The following INSIG1 variants were observed in gnomAD, a reference collection of about 807,000 sequenced individuals.
The protein encoded by INSIG1 is insulin-induced gene 1 protein.
A neutral mutation model predicts 26.5 loss-of-function variants in INSIG1; 14 were observed. The observed-to-expected ratio is 0.53, with a 90% CI of 0.35 to 0.83. The LOEUF is 0.83. INSIG1 is among the 40% of genes least tolerant of loss of function. The pLI is 0.01. For missense variants in INSIG1, 272 were observed against 368.9 expected (o/e 0.74, Z 2.15); for synonymous variants, 147 against 153.3 (o/e 0.96, Z 0.30).
Position 155,302,634 on chromosome 7 carries a change from T to A in INSIG1, c.705-113T>A. The A allele has an allele frequency of 2.2e-6, 2 of 906,654 alleles. No homozygotes were observed. Among genetic ancestry groups the A allele is most frequent in the Non-Finnish European group, 1.7e-6 (1 of 572,062 alleles). The allele number at this position is 906,654 out of a possible 1,614,324, so 56.2% of individuals were successfully genotyped here. Reference sequence around the variant, plus strand: ...ACAACCAAACAAATATGAACATTCGTAACATTGGATGGTTGATATGCGTTC... The same window carrying A: ...ACAACCAAACAAATATGAACATTCGAAACATTGGATGGTTGATATGCGTTC... On this transcript the variant is annotated intron_variant, in intron 4 of 5. Coordinates refer to ENST00000340368, the MANE Select transcript of INSIG1 (RefSeq NM_005542.6). The surrounding 1 kb of genome is among the most constrained non-coding windows in gnomAD (Gnocchi z 4.3).
rs538836868 is a variant in INSIG1 at position 155,308,624 on chromosome 7, C to T, written c.*354C>T. The T allele has an allele frequency of 2.5e-5, 6 of 240,320 alleles. No homozygotes were observed. The highest frequency in any genetic ancestry group is 2.5e-5 in the Non-Finnish European group (3 of 120,846). 14.9% of individuals were successfully genotyped at this position (240,320 alleles called of 1,614,324 possible). A position where few individuals can be genotyped will look rare whatever the true frequency, so the allele number is the denominator to read the frequency against. On this transcript the variant is annotated 3_prime_UTR_variant, in exon 6 of 6. Coordinates refer to ENST00000340368, the MANE Select transcript of INSIG1 (RefSeq NM_005542.6). The stretch of plus-strand genomic sequence containing the variant: ...TTGAACTAAGACTCAATTACCAACC[C>T]GCAGTTTTGTGTCAGTGCCCAAAGG...
chr7:155,298,080 C>A, intron 1 of INSIG1, 121 bp downstream of exon 1: 1 of 438,132 alleles, frequency 2.3e-6, no homozygotes, highest in Non-Finnish European at 3.9e-6. Context: ...CCGCTGGGGC[C>A]GGGGATGCTG....
At chr7:155,306,600 T>G (rs1284727266) in intron 5 of INSIG1, among the ~76,000 whole-genome samples, 2 of 152,276 alleles carry the variant, frequency 1.3e-5, no homozygotes, top group African/African-American at 4.8e-5. Context: ...CTCTTACTGC[T>G]GCACAGGAGG....
At chr7:155,299,931 G>A (rs1797738878) in intron 2 of INSIG1, among the ~76,000 whole-genome samples, 1 of 152,132 alleles carries the variant, frequency 6.6e-6, no homozygotes, top group Non-Finnish European at 1.5e-5. Flanking sequence ...GCAAGCAGCA[G>A]AGAGGTTTGT....
chr7:155,299,661 C>A (rs1797732604), intron 2 of INSIG1, among the ~76,000 whole-genome samples: 1 of 152,224 alleles, frequency 6.6e-6, no homozygotes, highest in African/African-American at 2.4e-5. Flanking sequence ...GTGCAGGGAG[C>A]ATCCTGTTTG....
chr7:155,301,895 AATAT>A lies in INSIG1; in HGVS notation c.537+210_537+213del, dbSNP rs1182563448. ...AATATATTGTTTTATGGTCAAAATA[AATAT>A]ATATTTATTTATATTTTTATATATA... On this transcript the variant is annotated intron_variant, in intron 3 of 5. Coordinates refer to ENST00000340368, the MANE Select transcript of INSIG1 (RefSeq NM_005542.6). 6.2e-5 allele frequency among the ~76,000 whole-genome samples: 9 copies of A among 145,692 alleles called. No homozygotes were observed. In the East Asian group the frequency reaches 1.4e-3, roughly 22 times the overall value.
chr7:155,298,940 A>G (rs1048690617), intron 2 of INSIG1, among the ~76,000 whole-genome samples: 19 of 152,102 alleles, frequency 1.2e-4, no homozygotes, highest in Admixed American at 9.8e-4. Context: ...TGAGGCAGGG[A>G]GATAATTGGC....
intron 2 of INSIG1, among the ~76,000 whole-genome samples, chr7:155,300,090 C>A (rs9771185): frequency 0.038 from 5,741 of 152,246 alleles, 254 homozygotes; most frequent in East Asian, 0.12. Flanking sequence ...ACTAATTGAA[C>A]ATTTTTTGAG....
At chr7:155,299,459 C>G (rs768202801) in intron 2 of INSIG1, among the ~76,000 whole-genome samples, 5 of 152,186 alleles carry the variant, frequency 3.3e-5, no homozygotes, top group Non-Finnish European at 7.3e-5. Context: ...GATCTTGGCT[C>G]AGCAGATCAC....
chr7:155,299,630 T>C (rs1240713613), intron 2 of INSIG1, among the ~76,000 whole-genome samples: 1 of 152,204 alleles, frequency 6.6e-6, no homozygotes. Context: ...AACAAACCAG[T>C]ATGTCAGTGA....
intron 5 of INSIG1, chr7:155,303,099 G>T: frequency 2.9e-6 from 1 of 350,454 alleles, no homozygotes; most frequent in Non-Finnish European, 5.4e-6. Flanking sequence ...TTGCAGATGT[G>T]GTCAGTGTTC....
chr7:155,302,638 A>G lies in INSIG1; in HGVS notation c.705-109A>G. 1 of 921,004 alleles carries G rather than the reference A, an allele frequency of 1.1e-6. No homozygotes were observed. Among genetic ancestry groups the G allele is most frequent in the Non-Finnish European group, 1.7e-6 (1 of 581,620 alleles). The allele number at this position is 921,004 out of a possible 1,614,324, so 57.1% of individuals were successfully genotyped here. On this transcript the variant is annotated intron_variant, in intron 4 of 5. Coordinates refer to ENST00000340368, the MANE Select transcript of INSIG1 (RefSeq NM_005542.6). The surrounding 1 kb of genome is among the most constrained non-coding windows in gnomAD (Gnocchi z 4.3). ...CCAAACAAATATGAACATTCGTAACATTGGATGGTTGATATGCGTTCTGCA... is the reference window on the plus strand; with the variant it reads ...CCAAACAAATATGAACATTCGTAACGTTGGATGGTTGATATGCGTTCTGCA...
In INSIG1 at chr7:155,302,210, A is replaced by G. The variant is rs1406839151; in HGVS notation, c.538-41A>G. 1 of 1,510,514 alleles carries G rather than the reference A, an allele frequency of 6.6e-7. No individual in the cohort carries two copies. Among genetic ancestry groups the G allele is most frequent in the Non-Finnish European group, 8.9e-7 (1 of 1,126,820 alleles). The allele number at this position is 1,510,514 out of a possible 1,614,324, so 93.6% of individuals were successfully genotyped here. On this transcript the variant is annotated intron_variant, in intron 3 of 5. Transcript: ENST00000340368. This position sits in a 1 kb window ranked among gnomAD's most constrained non-coding sequence, Gnocchi z 4.3. ...TGTGGTTTTACGTTTTTTTATCTTA[A>G]TAAGAGTCAGCAAACTTTTCCTTAA...
At chr7:155,303,481 C>A (rs915106709) in intron 5 of INSIG1, among the ~76,000 whole-genome samples, 1 of 152,182 alleles carries the variant, frequency 6.6e-6, no homozygotes, top group East Asian at 1.9e-4. Context: ...ACCATGTAGA[C>A]GGACTGTCCT....
chr7:155,298,406 T>A lies in INSIG1; in HGVS notation c.121T>A (p.Ser41Thr). ...AAKVGEMINV[S>T]VSGPSLLAAH... is the part of the protein sequence containing the mutation. The stretch of plus-strand genomic sequence containing the variant: ...CAAGGTTGGGGAGATGATCAACGTT[T>A]CCGTGTCCGGGCCCTCCCTGCTGGC... Residue 41 changes from serine (S) to threonine (T), a missense_variant, in exon 2 of 6, where the codon TCC (serine) becomes ACC (threonine). By Grantham distance (58) the Ser-to-Thr change is moderately conservative. Transcript: ENST00000340368. The A allele has an allele frequency of 6.4e-7, 1 of 1,560,816 alleles. No homozygotes were observed. Among genetic ancestry groups the A allele is most frequent in the East Asian group, 2.4e-5 (1 of 42,436 alleles).
Position 155,301,593 on chromosome 7 carries a change from T to A in INSIG1, c.440T>A (p.Ile147Asn). Reference sequence around the variant, plus strand: ...GTTGTTGGCCTACTGTACCCCTGTATCGACAGTCACCTCGGAGAACCCCAC... The same window carrying A: ...GTTGTTGGCCTACTGTACCCCTGTAACGACAGTCACCTCGGAGAACCCCAC... The part of the protein sequence containing the change: ...AAVVGLLYPC[I>N]DSHLGEPHKF... Residue 147 changes from isoleucine to asparagine, a missense_variant, in exon 3 of 6, where the codon ATC (isoleucine) becomes AAC (asparagine). Ile to Asn is a moderately radical substitution (Grantham distance 149). This residue lies in a region of INSIG1 where 111 missense variants were observed against 189.8 expected (regional missense o/e 0.58). Coordinates refer to ENST00000340368, the MANE Select transcript of INSIG1 (RefSeq NM_005542.6). 6.2e-7 allele frequency: 1 copy of A among 1,610,942 alleles called. No individual in the cohort carries two copies.
intron 1 of INSIG1, 113 bp downstream of exon 1, chr7:155,298,072 G>C: frequency 7.1e-6 from 3 of 420,424 alleles, no homozygotes; most frequent in Non-Finnish European, 1.2e-5. Context: ...CGCGGGTCCC[G>C]CTGGGGCCGG....
chr7:155,299,297 A>G (rs146645287), intron 2 of INSIG1, among the ~76,000 whole-genome samples: 1 of 152,238 alleles, frequency 6.6e-6, no homozygotes, highest in Non-Finnish European at 1.5e-5. Context: ...TAACCCCCTT[A>G]CGGCGTTTAG....
At chr7:155,306,680 T>A (rs1797944196) in intron 5 of INSIG1, among the ~76,000 whole-genome samples, 1 of 152,254 alleles carries the variant, frequency 6.6e-6, no homozygotes, top group East Asian at 1.9e-4. Context: ...GTAGAAACTA[T>A]TATTAGCCCA....
Sources: allele counts gnomAD v4.1 joint callset (sites outside exome capture counted in the v4.1 genomes callset), GRCh38; gene constraint gnomAD v4.1.1; regional missense constraint gnomAD v4.1.1; non-coding constraint Gnocchi (gnomAD v3.1); transcripts MANE v1.5; gene names NCBI Gene and HGNC (gene_info 2026-07-23, HGNC 2026-07-21).